Variants in ABCA12 observed in about 807,000 individuals in gnomAD.
The protein encoded by ABCA12 is glucosylceramide transporter ABCA12.
Under a neutral mutation model 293.5 loss-of-function variants are expected in ABCA12, and 156 were observed. The observed-to-expected ratio is 0.53, with a 90% CI of 0.47 to 0.61. ABCA12 has a LOEUF of 0.61. Ranked by LOEUF, ABCA12 falls within the 20% of genes least tolerant of loss-of-function variation. The pLI is 0.00. For synonymous variants in ABCA12, 1,063 were observed against 1,108.0 expected, an observed-to-expected ratio of 0.96 and a Z score of 0.81; for missense variants, 2,797 against 3,090.2, an observed-to-expected ratio of 0.91 and a Z score of 2.25.
At chr2:215,128,647 G>GT (rs1213765800) in intron 1 of ABCA12, among the ~76,000 whole-genome samples, 3 of 148,948 alleles carry the variant, frequency 2.0e-5, no homozygotes, top group African/African-American at 7.8e-5. Context: ...TCCTAATTTT[G>GT]TATTTTTTTT....
Position 215,010,427 on chromosome 2 carries a change from G to T in ABCA12, c.2376C>A (p.Pro792=). 1 of 1,613,724 alleles carries T rather than the reference G, an allele frequency of 6.2e-7. No individual in the cohort carries two copies. Among genetic ancestry groups the T allele is most frequent in the Non-Finnish European group, 8.5e-7 (1 of 1,179,748 alleles). ...AGAAAGCCCAAATCACAGGTCCAGC[G>T]GGCATGTTAATGATGTCTTTATAAA... ...FSLYKDIINM[P]AGPVIWAFLK... Residue 792 remains proline (P), a synonymous_variant, in exon 18 of 53, where the codon CCC becomes CCA. Coordinates refer to ENST00000272895, the MANE Select transcript of ABCA12 (RefSeq NM_173076.3).
intron 2 of ABCA12, among the ~76,000 whole-genome samples, chr2:215,075,079 A>AC (rs1701809305): frequency 6.6e-6 from 1 of 152,094 alleles, no homozygotes; most frequent in Non-Finnish European, 1.5e-5. Context: ...GAGTGTATTT[A>AC]CCCCCCACCA....
chr2:214,945,186 TC>T (rs1166747657), intron 48 of ABCA12, 82 bp from the exon 49 acceptor site: 3 of 1,100,214 alleles, frequency 2.7e-6, no homozygotes, highest in East Asian at 5.1e-5. Flanking sequence ...GCATTTCACT[TC>T]CCTAGAACAG....
rs552094818 is a variant in ABCA12, at chr2:214,982,082, G to C, written c.4579+105C>G. 2.3e-4 allele frequency: 283 copies of C among 1,205,938 alleles called. 1 individual carries two copies. Among genetic ancestry groups the C allele is most frequent in the South Asian group, 7.2e-4 (57 of 79,542 alleles). The allele number at this position is 1,205,938 out of a possible 1,614,324, so 74.7% of individuals were successfully genotyped here. ...CTGTCTTGGCCTCCCAAAGTGCTGG[G>C]ATTATAGGCGTGAGCCACTGCACCC... On this transcript the variant is annotated intron_variant, in intron 30 of 52. Transcript: ENST00000272895.
In ABCA12 at chr2:215,019,628, T is replaced by C. The variant is rs765664543; in HGVS notation, c.1456A>G (p.Ser486Gly). 1 of 1,614,212 alleles carries C rather than the reference T, an allele frequency of 6.2e-7. No individual in the cohort carries two copies. Among genetic ancestry groups the C allele is most frequent in the Non-Finnish European group, 8.5e-7 (1 of 1,180,044 alleles). The change falls in exon 12 of 53, where the codon AGC becomes GGC. Residue 486 changes from serine (S) to glycine (G), a missense_variant. Ser to Gly is a moderately conservative substitution (Grantham distance 56). Transcript: ENST00000272895. ...AAELGTEIAA[S>G]LLYHDNVISK... The stretch of plus-strand genomic sequence containing the variant: ...ATGACATTGTCATGGTACAGTAAGC[T>C]GGCTGCTATTTCGGTGCCCAGCTCT...
At chr2:215,025,447 C>A in intron 11 of ABCA12, 1 of 472,114 alleles carries the variant, frequency 2.1e-6, no homozygotes. Flanking sequence ...AGGCATGAGC[C>A]ACGGCATCCA....
At chr2:214,981,760 G>GT (rs1334092012) in intron 30 of ABCA12, among the ~76,000 whole-genome samples, 1 of 108,800 alleles carries the variant, frequency 9.2e-6, no homozygotes, top group Non-Finnish European at 1.8e-5. Flanking sequence ...TCGTCAAGCT[G>GT]GTTTTTTTTT....
Position 214,975,877 on chromosome 2 carries a change from G to A in ABCA12, c.5289C>T (p.Gly1763=). The A allele has an allele frequency of 6.2e-7, 1 of 1,614,086 alleles. No individual in the cohort carries two copies. Among genetic ancestry groups the A allele is most frequent in the East Asian group, 2.2e-5 (1 of 44,882 alleles). The change falls in exon 34 of 53, where the codon GGC becomes GGT. Residue 1763 remains glycine, a synonymous_variant. Transcript: ENST00000272895. ...TGCTGGAATTTCTCAGTGTGCCAAG[G>A]CCCATGGCAGTGGTAACAAAGACGA... ...LPIVFVTTAM[G]LGTLRNSSNS... is the part of the protein sequence containing the mutation.
chr2:215,002,062 G>A (rs1204462276), intron 20 of ABCA12, among the ~76,000 whole-genome samples: 1 of 152,018 alleles, frequency 6.6e-6, no homozygotes, highest in Non-Finnish European at 1.5e-5. Flanking sequence ...ATGTAGTTAG[G>A]ACAAAAACTA....
chr2:214,997,818 C>G lies in ABCA12; in HGVS notation c.3180-9G>C, dbSNP rs767403877. The stretch of plus-strand genomic sequence containing the variant: ...AGACACTGGTTAGGAAGCTGTAAAA[C>G]AAACAAAAAAAGAAAAATTCAGCGA... On this transcript the variant is annotated splice_polypyrimidine_tract_variant and intron_variant, in intron 22 of 52. Coordinates refer to ENST00000272895, the MANE Select transcript of ABCA12 (RefSeq NM_173076.3). 5.7e-6 allele frequency: 9 copies of G among 1,586,846 alleles called. No individual in the cohort carries two copies. In the South Asian group the frequency reaches 1.0e-4, roughly 18 times the overall value.
At chr2:214,961,229 G>T (rs890465076) in intron 39 of ABCA12, among the ~76,000 whole-genome samples, 2 of 152,002 alleles carry the variant, frequency 1.3e-5, no homozygotes, top group Non-Finnish European at 2.9e-5. Context: ...TACCACTTCC[G>T]TAAGTCTATT....
At chr2:215,003,200 C>T (rs1442541406) in intron 20 of ABCA12, among the ~76,000 whole-genome samples, 1 of 152,194 alleles carries the variant, frequency 6.6e-6, no homozygotes, top group Non-Finnish European at 1.5e-5. Flanking sequence ...CTGATGCTCT[C>T]AATCCGTTTC....
At chr2:214,942,863 G>T in intron 50 of ABCA12, 62 bp downstream of exon 50, 1 of 1,415,634 alleles carries the variant, frequency 7.1e-7, no homozygotes, top group South Asian at 1.2e-5. Context: ...CCTTGAATCT[G>T]AGTGAGCACC....
intron 22 of ABCA12, among the ~76,000 whole-genome samples, chr2:214,999,551 T>G (rs772142076): frequency 2.6e-4 from 39 of 152,214 alleles, no homozygotes; most frequent in Non-Finnish European, 4.8e-4. Context: ...AATGAACATA[T>G]TCCCATAAAG....
intron 2 of ABCA12, among the ~76,000 whole-genome samples, chr2:215,078,050 T>C (rs1218030606): frequency 6.6e-6 from 1 of 152,222 alleles, no homozygotes; most frequent in Non-Finnish European, 1.5e-5. Flanking sequence ...GTGCAGTCAT[T>C]GCTTTTTCCT....
rs930222012 is a variant in ABCA12, at chr2:214,996,875, C to T, written c.3294+820G>A. Among the ~76,000 whole-genome samples, 5 of 152,222 alleles carry T rather than the reference C, an allele frequency of 3.3e-5. No homozygotes were observed. In the East Asian group the frequency reaches 9.6e-4, roughly 29 times the overall value. ...CTAACCTCATTATTTCAGAATTCAGCCAGGCCTTGCAATAATTATTGTGCC... is the reference window on the plus strand; with the variant it reads ...CTAACCTCATTATTTCAGAATTCAGTCAGGCCTTGCAATAATTATTGTGCC... On this transcript the variant is annotated intron_variant, in intron 23 of 52. Transcript: ENST00000272895.
In ABCA12 at chr2:214,948,708, G is replaced by A; in HGVS notation, c.6992C>T (p.Ser2331Leu). 2 of 1,614,054 alleles carry A rather than the reference G, an allele frequency of 1.2e-6. No homozygotes were observed. The highest frequency in any genetic ancestry group is 8.5e-7 in the Non-Finnish European group (1 of 1,179,990). Residue 2331 changes from serine (S) to leucine (L), a missense_variant, in exon 47 of 53, where the codon TCA becomes TTA. Ser to Leu is a moderately radical substitution (Grantham distance 145, BLOSUM62 -2). This residue lies in a region of ABCA12 where 2,130 missense variants were observed against 2,427.0 expected (regional missense o/e 0.88). Coordinates refer to ENST00000272895, the MANE Select transcript of ABCA12 (RefSeq NM_173076.3). ...GSLGHVDSHS[S>L]LVGYCPQEDA... ...TTCCTGAGGACAGTAGCCAACTAATGAGCTGTGAGAATCAACGTGACCCAG... is the reference window on the plus strand; with the variant it reads ...TTCCTGAGGACAGTAGCCAACTAATAAGCTGTGAGAATCAACGTGACCCAG...
At chr2:215,006,714 T>C (rs1466295546) in intron 19 of ABCA12, among the ~76,000 whole-genome samples, 3 of 152,128 alleles carry the variant, frequency 2.0e-5, no homozygotes, top group Non-Finnish European at 4.4e-5. Flanking sequence ...TGCAAGCCAG[T>C]CTCTTGAAGC....
rs533709942 is a variant in ABCA12, at chr2:215,109,045, C to T, written c.163+2552G>A. 3.0e-4 allele frequency among the ~76,000 whole-genome samples: 45 copies of T among 150,974 alleles called. No individual in the cohort carries two copies. The East Asian group carries it at 4.5e-3, about 15-fold the overall frequency. On this transcript the variant is annotated intron_variant, in intron 2 of 52. Coordinates refer to ENST00000272895, the MANE Select transcript of ABCA12 (RefSeq NM_173076.3). ...TCGCACCACTGTACTCTAGCCTGGGCGACAGAGCAAGACTGTCTCAAAAAA... is the reference window on the plus strand; with the variant it reads ...TCGCACCACTGTACTCTAGCCTGGGTGACAGAGCAAGACTGTCTCAAAAAA...
Sources: allele counts gnomAD v4.1 joint callset (sites outside exome capture counted in the v4.1 genomes callset), GRCh38; gene constraint gnomAD v4.1.1; regional missense constraint gnomAD v4.1.1; transcripts MANE v1.5; gene names NCBI Gene and HGNC (gene_info 2026-07-23, HGNC 2026-07-21).